Variants in PDE10A observed in about 807,000 individuals in gnomAD.
PDE10A encodes the protein phosphodiesterase 10A.
In PDE10A, 39 loss-of-function variants were observed where a neutral mutation model predicts 97.7. The observed-to-expected ratio is 0.40, with a 90% CI of 0.31 to 0.52. PDE10A has a LOEUF of 0.52. Among genes scored for constraint, PDE10A ranks in the 20% least tolerant of loss-of-function variants. The probability of loss-of-function intolerance (pLI) is 0.56; values close to 1 mark genes in which losing one functional copy is unlikely to be tolerated. For missense variants in PDE10A, 731 were observed against 1,047.8 expected (o/e 0.70, Z 4.17); for synonymous variants, 371 against 376.8 (o/e 0.98, Z 0.18).
intron 1 of PDE10A, chr6:165,939,504 T>A: frequency 6.6e-6 from 1 of 152,368 alleles, no homozygotes; most frequent in Non-Finnish European, 1.5e-5. Context: ...TTTCCATAGT[T>A]TACTTTTATT....
chr6:165,958,709 A>AG lies in PDE10A; in HGVS notation c.-615+28819_-615+28820insC, dbSNP rs1433107968. On this transcript the variant is annotated intron_variant, in intron 1 of 19. Transcript: ENST00000366882. ...AAGAAAGAAAGAGAAAGAAAGAAAGAAAGAGAGAAGAAAGAAAGAAAGAAA... is the reference window on the plus strand; with the variant it reads ...AAGAAAGAAAGAGAAAGAAAGAAAGAGAAGAGAGAAGAAAGAAAGAAAGAAA... 1.5e-4 allele frequency among the ~76,000 whole-genome samples: 21 copies of AG among 136,558 alleles called. 1 individual carries two copies. The highest frequency in any genetic ancestry group is 3.8e-3 in the Middle Eastern group (1 of 262). The allele number at this position is 136,558 out of a possible 152,430, so 89.6% of individuals were successfully genotyped here.
chr6:165,915,286 G>A (rs1013025198), intron 1 of PDE10A, among the ~76,000 whole-genome samples: 2 of 152,136 alleles, frequency 1.3e-5, no homozygotes, highest in African/African-American at 4.8e-5. Context: ...CTGTGACAAG[G>A]TCCCTTTCCT....
chr6:165,756,435 A>AT (rs1241087448), intron 1 of PDE10A, among the ~76,000 whole-genome samples: 4 of 152,132 alleles, frequency 2.6e-5, no homozygotes, highest in Non-Finnish European at 5.9e-5. Context: ...CACTGTTACT[A>AT]TTTTCTTTCT....
intron 1 of PDE10A, among the ~76,000 whole-genome samples, chr6:165,564,080 C>T (rs1402902411): frequency 6.6e-6 from 1 of 152,246 alleles, no homozygotes; most frequent in South Asian, 2.1e-4. Flanking sequence ...AATTGCTGAG[C>T]CACAAAACCC....
intron 1 of PDE10A, among the ~76,000 whole-genome samples, chr6:165,895,434 C>T (rs1217935273): frequency 6.6e-6 from 1 of 152,170 alleles, no homozygotes; most frequent in Non-Finnish European, 1.5e-5. Context: ...GAAGGATCCT[C>T]CGTGGTGGCT....
At chr6:165,725,608 G>T (rs1792273694) in intron 1 of PDE10A, among the ~76,000 whole-genome samples, 3 of 150,208 alleles carry the variant, frequency 2.0e-5, no homozygotes. Context: ...CGTGGAGTCA[G>T]AGGTGAGGAA....
intron 1 of PDE10A, among the ~76,000 whole-genome samples, chr6:165,898,612 G>C (rs1387005990): frequency 6.6e-6 from 1 of 151,562 alleles, no homozygotes; most frequent in East Asian, 1.9e-4. Flanking sequence ...TACATCCTGG[G>C]AATCCCATAC....
chr6:165,792,561 C>G (rs1452811726), intron 1 of PDE10A, among the ~76,000 whole-genome samples: 1 of 152,018 alleles, frequency 6.6e-6, no homozygotes, highest in Non-Finnish European at 1.5e-5. Flanking sequence ...TTTTTTCTTT[C>G]CAGTCTCCCC....
chr6:165,458,922 C>A (rs1177436646), intron 3 of PDE10A, among the ~76,000 whole-genome samples: 1 of 152,028 alleles, frequency 6.6e-6, no homozygotes, highest in African/African-American at 2.4e-5. Context: ...GGATTATGAC[C>A]CCCCACCCGT....
At chr6:165,612,752 C>T (rs956329414) in intron 1 of PDE10A, among the ~76,000 whole-genome samples, 2 of 152,180 alleles carry the variant, frequency 1.3e-5, no homozygotes, top group Non-Finnish European at 2.9e-5. Context: ...CATATCTCTT[C>T]CAGCAAGACT....
At chr6:165,347,995 T>A (rs376602761) in intron 18 of PDE10A, among the ~76,000 whole-genome samples, 1 of 152,186 alleles carries the variant, frequency 6.6e-6, no homozygotes, top group Non-Finnish European at 1.5e-5. Context: ...TGTTTAATAT[T>A]GTACCCTTTC....
intron 1 of PDE10A, among the ~76,000 whole-genome samples, chr6:165,629,222 G>A (rs1024410120): frequency 1.3e-5 from 2 of 152,124 alleles, no homozygotes; most frequent in Non-Finnish European, 2.9e-5. Flanking sequence ...AGAGGGATAG[G>A]ACCAAATCAA....
At chr6:165,665,289 G>C (rs991340462), upstream of PDE10A, among the ~76,000 whole-genome samples, 1 of 152,210 alleles carries the variant, frequency 6.6e-6, no homozygotes, top group African/African-American at 2.4e-5. Context: ...AGACTTTAAT[G>C]ACAAAGGCGC....
chr6:165,493,564 G>GAAACAAA (rs936407276), intron 2 of PDE10A, among the ~76,000 whole-genome samples: 1 of 151,938 alleles, frequency 6.6e-6, no homozygotes, highest in African/African-American at 2.4e-5. Context: ...TTTTGACACA[G>GAAACAAA]AAACAAAAAT....
At chr6:165,482,385 T>G in intron 2 of PDE10A, 42 bp from the exon 3 acceptor site, 1 of 1,492,114 alleles carries the variant, frequency 6.7e-7, no homozygotes, top group East Asian at 2.3e-5. Flanking sequence ...AATTAGCGAC[T>G]GAGTAGGTTT....
At chr6:165,957,984 G>C (rs1244195415) in intron 1 of PDE10A, among the ~76,000 whole-genome samples, 1 of 152,150 alleles carries the variant, frequency 6.6e-6, no homozygotes, top group Admixed American at 6.5e-5. Flanking sequence ...GTGGGCAGTG[G>C]GTTTGATCTC....
At chr6:165,695,771 C>A (rs1791427978) in intron 1 of PDE10A, among the ~76,000 whole-genome samples, 1 of 152,184 alleles carries the variant, frequency 6.6e-6, no homozygotes, top group Admixed American at 6.5e-5. Flanking sequence ...AGATGGTAGG[C>A]TCGCTAGTGC....
chr6:165,577,421 T>C (rs2128350795), intron 1 of PDE10A, among the ~76,000 whole-genome samples: 1 of 152,294 alleles, frequency 6.6e-6, no homozygotes, highest in East Asian at 1.9e-4. Context: ...CAACACTCCA[T>C]GCTCAAGAAA....
chr6:165,423,906 A>G (rs1788923443), intron 10 of PDE10A, among the ~76,000 whole-genome samples: 2 of 152,008 alleles, frequency 1.3e-5, no homozygotes, highest in Non-Finnish European at 2.9e-5. Context: ...AATCTTCCGT[A>G]TTATAAAAAA....
Sources: gnomAD v4.1 joint callset for allele counts (sites outside exome capture counted in the v4.1 genomes callset) on GRCh38, gnomAD v4.1.1 for gene constraint, MANE v1.5 for transcripts, NCBI Gene and HGNC (gene_info 2026-07-23, HGNC 2026-07-21) for gene names.